RERE: variants seen among roughly 807,000 people sequenced by gnomAD.
RERE encodes the protein arginine-glutamic acid dipeptide repeats.
In RERE, 40 loss-of-function variants were observed where a neutral mutation model predicts 146.1. The observed-to-expected ratio is 0.27, with a 90% CI of 0.21 to 0.36. The LOEUF is 0.36. Among genes scored for constraint, RERE ranks in the 10% least tolerant of loss-of-function variants. The pLI is 1.00. For synonymous variants in RERE, 1,003 were observed against 866.0 expected (o/e 1.16, Z -2.78); for missense variants, 1,933 against 2,138.7 (o/e 0.90, Z 1.90).
chr1:8,798,610 G>T, intron 1 of RERE: 1 of 220,702 alleles, frequency 4.5e-6, no homozygotes, highest in South Asian at 8.1e-5. Context: ...ATGCTCTGGT[G>T]GCTGGATTTG....
rs1441831202 is a variant in RERE, at chr1:8,606,816, C to T, written c.522+7745G>A. ...TTCATTTAGAGAATACATTTTGGGACAAGAGGGAAAAACTACATTCATTTT... is the reference window on the plus strand; with the variant it reads ...TTCATTTAGAGAATACATTTTGGGATAAGAGGGAAAAACTACATTCATTTT... On this transcript the variant is annotated intron_variant, in intron 4 of 22. Transcript: ENST00000400908. Among the ~76,000 whole-genome samples, 4 of 151,930 alleles carry T rather than the reference C, an allele frequency of 2.6e-5. No individual in the cohort carries two copies. The South Asian group carries it at 6.2e-4, about 24-fold the overall frequency.
intron 1 of RERE, among the ~76,000 whole-genome samples, chr1:8,729,272 G>A (rs1640036380): frequency 7.0e-6 from 1 of 142,566 alleles, no homozygotes. Flanking sequence ...TGCCCAGGCT[G>A]GAGTGCAGTG....
intron 10 of RERE, among the ~76,000 whole-genome samples, chr1:8,483,091 A>C (rs1400282495): frequency 6.6e-6 from 1 of 152,226 alleles, no homozygotes; most frequent in Non-Finnish European, 1.5e-5. Context: ...CTGTTCTGAA[A>C]TTTATTGGAT....
At chr1:8,395,198 G>A (rs998080015) in intron 12 of RERE, among the ~76,000 whole-genome samples, 2 of 152,216 alleles carry the variant, frequency 1.3e-5, no homozygotes, top group East Asian at 1.9e-4. Context: ...TTTCCGGGTC[G>A]GGTGCAGTGG....
chr1:8,607,730 T>C (rs1646739165), intron 4 of RERE, among the ~76,000 whole-genome samples: 2 of 144,042 alleles, frequency 1.4e-5, no homozygotes, highest in Admixed American at 6.9e-5. Context: ...TCTGGCTTTT[T>C]TTTTTTTTTT....
At chr1:8,803,880 G>A (rs990141522) in intron 1 of RERE, among the ~76,000 whole-genome samples, 3 of 152,030 alleles carry the variant, frequency 2.0e-5, no homozygotes, top group East Asian at 1.9e-4. Flanking sequence ...TTTCTGTAGC[G>A]TCAAAAGTGT....
In RERE at chr1:8,476,362, T is replaced by C. The variant is rs1644756234; in HGVS notation, c.1105-10339A>G. ...CTAGAATGTTGCTACTGGGGCAGTT[T>C]AGGACAGGCAATCTGGTGGGAGCAA... On this transcript the variant is annotated intron_variant, in intron 10 of 22. Transcript: ENST00000400908. Among the ~76,000 whole-genome samples, 4 of 152,186 alleles carry C rather than the reference T, an allele frequency of 2.6e-5. No individual in the cohort carries two copies. In the South Asian group the frequency reaches 8.3e-4, roughly 32 times the overall value.
rs925816057 is a variant in RERE at position 8,357,251 on chromosome 1, T to C, written c.4339+945A>G. On this transcript the variant is annotated intron_variant, in intron 20 of 22. Coordinates refer to ENST00000400908, the MANE Select transcript of RERE (RefSeq NM_001042681.2). Reference sequence around the variant, plus strand: ...ACTTGCTGAATGAATGATGCATGAATGAACAAATGACTACCTGTCCTCAAC... The same window carrying C: ...ACTTGCTGAATGAATGATGCATGAACGAACAAATGACTACCTGTCCTCAAC... 5.3e-5 allele frequency among the ~76,000 whole-genome samples: 8 copies of C among 152,244 alleles called. No homozygotes were observed. In the East Asian group the frequency reaches 1.5e-3, roughly 29 times the overall value.
chr1:8,483,304 C>T (rs1439369698), intron 10 of RERE, among the ~76,000 whole-genome samples: 2 of 152,326 alleles, frequency 1.3e-5, no homozygotes, highest in Admixed American at 1.3e-4. Context: ...AGGCTCCTCT[C>T]ACATGCTTAG....
chr1:8,654,292 T>C (rs1169705842), intron 2 of RERE, among the ~76,000 whole-genome samples: 1 of 151,914 alleles, frequency 6.6e-6, no homozygotes, highest in African/African-American at 2.4e-5. Context: ...CGCCTCAGCC[T>C]CTCAAAGTGC....
rs116682042 is a variant in RERE at position 8,569,755 on chromosome 1, G to A, written c.523-12232C>T. On this transcript the variant is annotated intron_variant, in intron 4 of 22. Coordinates refer to ENST00000400908, the MANE Select transcript of RERE (RefSeq NM_001042681.2). ...AAAAATTTAAACATTAGACAGGCAT[G>A]GTGTCATGCTCTTGTAGTCCCAGTT... Among the ~76,000 whole-genome samples the A allele has an allele frequency of 4.7e-3, 717 of 152,214 alleles. 3 individuals carry two copies. Among genetic ancestry groups the A allele is most frequent in the African/African-American group, 0.017 (690 of 41,530 alleles).
chr1:8,438,447 T>C (rs1644200182), intron 11 of RERE, among the ~76,000 whole-genome samples: 5 of 152,252 alleles, frequency 3.3e-5, no homozygotes, highest in Admixed American at 2.0e-4. Context: ...AAACTTTATT[T>C]GTTAGAGCAA....
intron 2 of RERE, among the ~76,000 whole-genome samples, chr1:8,636,394 C>T (rs1647102507): frequency 6.6e-6 from 1 of 152,024 alleles, no homozygotes; most frequent in Admixed American, 6.6e-5. Flanking sequence ...GAAGGCTGGG[C>T]ATGGTGGCAC....
chr1:8,568,758 G>C (rs1202936936), intron 4 of RERE, among the ~76,000 whole-genome samples: 1 of 152,000 alleles, frequency 6.6e-6, no homozygotes, highest in Admixed American at 6.5e-5. Flanking sequence ...AAAAGACTAA[G>C]ACATGGCTAT....
rs1001429514 is a variant in RERE, at chr1:8,354,947, T to C, written c.*140A>G. The C allele has an allele frequency of 4.3e-6, 3 of 701,014 alleles. No individual in the cohort carries two copies. The highest frequency in any genetic ancestry group is 3.6e-5 in the African/African-American group (2 of 55,496). 43.4% of individuals were successfully genotyped at this position (701,014 alleles called of 1,614,324 possible). ...CGAACACTACTATGTGGATACATTT[T>C]TAGTTGTGGGTTTTTAAATATATAA... On this transcript the variant is annotated 3_prime_UTR_variant, in exon 23 of 23. Transcript: ENST00000400908.
At chr1:8,442,498 C>T (rs565976910) in intron 11 of RERE, among the ~76,000 whole-genome samples, 57 of 152,072 alleles carry the variant, frequency 3.7e-4, no homozygotes, top group African/African-American at 1.0e-3. Context: ...GTAAAAGCTC[C>T]CTGAGGCCTC....
At chr1:8,588,390 G>A (rs1048148992) in intron 4 of RERE, among the ~76,000 whole-genome samples, 2 of 152,114 alleles carry the variant, frequency 1.3e-5, no homozygotes, top group African/African-American at 4.8e-5. Context: ...GCCTGGGCTG[G>A]AGAAGTCCCA....
intron 4 of RERE, among the ~76,000 whole-genome samples, chr1:8,573,926 C>T: frequency 6.6e-6 from 1 of 152,142 alleles, no homozygotes; most frequent in East Asian, 1.9e-4. Flanking sequence ...CTACCTCAGC[C>T]TCCTGAGTAG....
At chr1:8,426,386 G>A (rs945143739) in intron 11 of RERE, among the ~76,000 whole-genome samples, 1 of 150,438 alleles carries the variant, frequency 6.6e-6, no homozygotes, top group South Asian at 2.1e-4. Context: ...CCCGGGAGGC[G>A]CAGCTTGCAG....
Sources: gnomAD v4.1 joint callset for allele counts (sites outside exome capture counted in the v4.1 genomes callset) on GRCh38, gnomAD v4.1.1 for gene constraint, MANE v1.5 for transcripts, NCBI Gene and HGNC (gene_info 2026-07-23, HGNC 2026-07-21) for gene names.